ARHGAP10: variants seen among roughly 807,000 people sequenced by gnomAD.
ARHGAP10 encodes the protein Rho GTPase activating protein 10, also known as rho GTPase-activating protein 10.
ARHGAP10 carries 87 observed loss-of-function variants against 108.6 expected under a neutral mutation model. The observed-to-expected ratio is 0.80, with a 90% CI of 0.67 to 0.96. The LOEUF (loss-of-function observed/expected upper bound fraction) is 0.96, where lower values mean the gene tolerates loss of function less well. Among genes scored for constraint, ARHGAP10 ranks in the 40% least tolerant of loss-of-function variants. The pLI, the probability that ARHGAP10 is intolerant of heterozygous loss-of-function variation, is 0.00. For missense variants in ARHGAP10, 939 were observed against 954.5 expected, an observed-to-expected ratio of 0.98 and a Z score of 0.21; for synonymous variants, 347 against 341.1, an observed-to-expected ratio of 1.02 and a Z score of -0.19.
intron 6 of ARHGAP10, 197 bp from the exon 7 acceptor site, chr4:147,866,515 A>C: frequency 1.9e-6 from 1 of 516,968 alleles, no homozygotes; most frequent in Non-Finnish European, 3.4e-6. Context: ...TTAAGGGAAA[A>C]AAGCATCATT....
chr4:148,027,838 G>T (rs537071479), intron 19 of ARHGAP10, among the ~76,000 whole-genome samples: 1 of 152,278 alleles, frequency 6.6e-6, no homozygotes, highest in South Asian at 2.1e-4. Flanking sequence ...CCACTGTGCG[G>T]TCTTTTTAAA....
intron 18 of ARHGAP10, among the ~76,000 whole-genome samples, chr4:147,981,951 G>A (rs778243980): frequency 3.3e-5 from 5 of 149,278 alleles, no homozygotes; most frequent in East Asian, 1.9e-4. Context: ...GCCCAGGGGC[G>A]TGATCATATG....
chr4:148,031,961 A>G (rs555748453), intron 19 of ARHGAP10, among the ~76,000 whole-genome samples: 3 of 152,302 alleles, frequency 2.0e-5, no homozygotes, highest in East Asian at 3.9e-4. Context: ...ACATCTGGTC[A>G]TGGATTGGTT....
chr4:147,844,283 A>G (rs1357390057), intron 3 of ARHGAP10, among the ~76,000 whole-genome samples: 2 of 152,146 alleles, frequency 1.3e-5, no homozygotes, highest in African/African-American at 4.8e-5. Flanking sequence ...TATAATAGTC[A>G]CATCATGGAA....
intron 1 of ARHGAP10, among the ~76,000 whole-genome samples, chr4:147,762,471 A>G (rs1449115660): frequency 6.6e-6 from 1 of 151,716 alleles, no homozygotes; most frequent in Non-Finnish European, 1.5e-5. Flanking sequence ...TTGATTGGGT[A>G]GGTGAACTAG....
In ARHGAP10 at chr4:148,062,008, C is replaced by T. The variant is rs199792222; in HGVS notation, c.2028-1140C>T. Among the ~76,000 whole-genome samples, 46 of 152,066 alleles carry T rather than the reference C, an allele frequency of 3.0e-4. 1 individual carries two copies. In the East Asian group the frequency reaches 7.9e-3, roughly 26 times the overall value. On this transcript the variant is annotated intron_variant, in intron 20 of 22. Coordinates refer to ENST00000336498, the MANE Select transcript of ARHGAP10 (RefSeq NM_024605.4). ...AAGGAAGGGCAAGATTAGAGCAGGGCGGGGAGCTTGAGAGGAAAGGCAAAG... is the reference window on the plus strand; with the variant it reads ...AAGGAAGGGCAAGATTAGAGCAGGGTGGGGAGCTTGAGAGGAAAGGCAAAG...
chr4:148,046,692 C>T (rs1009461881), intron 19 of ARHGAP10, among the ~76,000 whole-genome samples, 200 bp from the exon 20 acceptor site: 5 of 151,972 alleles, frequency 3.3e-5, no homozygotes, highest in African/African-American at 4.8e-5. Context: ...AAACATTCCT[C>T]GCTGTGTATT....
chr4:147,806,592 TG>T (rs1043540822), intron 1 of ARHGAP10, among the ~76,000 whole-genome samples: 2 of 152,090 alleles, frequency 1.3e-5, no homozygotes, highest in African/African-American at 4.8e-5. Context: ...AAAGTATTGC[TG>T]TGGGAAAATG....
chr4:147,761,818 G>A (rs1729602623), intron 1 of ARHGAP10, among the ~76,000 whole-genome samples: 1 of 152,122 alleles, frequency 6.6e-6, no homozygotes. Flanking sequence ...TGATTTTAAA[G>A]ACGGCATTAC....
chr4:147,794,366 C>T (rs886294745), intron 1 of ARHGAP10, among the ~76,000 whole-genome samples: 4 of 152,182 alleles, frequency 2.6e-5, no homozygotes, highest in Admixed American at 2.0e-4. Context: ...TGTTAATTCT[C>T]ACAACATTCC....
At position 147,963,724 on chromosome 4, in the gene ARHGAP10, T is replaced by C. The variant is rs544170085; in HGVS notation, c.1451-1300T>C. Among the ~76,000 whole-genome samples the C allele has an allele frequency of 2.6e-5, 4 of 152,322 alleles. No homozygotes were observed. The East Asian group carries it at 7.7e-4, about 29-fold the overall frequency. ...AGTCTGGAGGTCTGAAATCAAGACG[T>C]TGGGAGGGCCGTGCTCCCTCTGAAG... On this transcript the variant is annotated intron_variant, in intron 16 of 22. Transcript: ENST00000336498.
intron 5 of ARHGAP10, among the ~76,000 whole-genome samples, chr4:147,859,135 C>T (rs1029401230): frequency 5.3e-5 from 8 of 152,194 alleles, no homozygotes; most frequent in Non-Finnish European, 1.2e-4. Flanking sequence ...GGTATGTTTT[C>T]AACAGGGATC....
intron 3 of ARHGAP10, among the ~76,000 whole-genome samples, chr4:147,837,643 G>GTTTTTTTTTTTTTTTTTTTTTTTTTTTT (rs59933316): frequency 1.0e-4 from 7 of 70,236 alleles, no homozygotes; most frequent in Non-Finnish European, 1.8e-4. Context: ...TCTGGTCACT[G>GTTTTTTTTTTTTTTTTTTTTTTTTTTTT]TTTTTTTTTT....
intron 1 of ARHGAP10, chr4:147,782,720 A>G (rs1275374106): frequency 6.6e-6 from 1 of 152,286 alleles, no homozygotes; most frequent in Non-Finnish European, 1.5e-5. Context: ...GGGTCAGACC[A>G]GTTTGCAAAC....
chr4:147,811,416 C>T (rs1732012831), intron 1 of ARHGAP10, among the ~76,000 whole-genome samples: 1 of 117,676 alleles, frequency 8.5e-6, no homozygotes, highest in Non-Finnish European at 1.9e-5. Flanking sequence ...TGTGTAGATC[C>T]TCAAGTAACA....
At chr4:148,070,423 G>A (rs911026661) in intron 22 of ARHGAP10, among the ~76,000 whole-genome samples, 10 of 152,146 alleles carry the variant, frequency 6.6e-5, no homozygotes, top group Non-Finnish European at 7.4e-5. Flanking sequence ...GCAGACAGCC[G>A]GAATGTGTTC....
At chr4:148,052,110 A>C (rs759893855) in intron 20 of ARHGAP10, among the ~76,000 whole-genome samples, 15 of 152,178 alleles carry the variant, frequency 9.9e-5, no homozygotes, top group Non-Finnish European at 2.2e-4. Context: ...TCAGAAAAAT[A>C]ATCATTTTAG....
intron 18 of ARHGAP10, among the ~76,000 whole-genome samples, chr4:147,988,365 C>T (rs993435835): frequency 6.6e-6 from 1 of 152,186 alleles, no homozygotes; most frequent in African/African-American, 2.4e-5. Flanking sequence ...ATCATGTTTT[C>T]TGAGATCTTA....
intron 18 of ARHGAP10, among the ~76,000 whole-genome samples, chr4:147,990,059 C>G (rs1041119127): frequency 6.6e-6 from 1 of 152,186 alleles, no homozygotes; most frequent in Admixed American, 6.5e-5. Flanking sequence ...CCGCAACACT[C>G]CTGATATTCA....
Sources: allele counts gnomAD v4.1 joint callset (sites outside exome capture counted in the v4.1 genomes callset), GRCh38; gene constraint gnomAD v4.1.1; transcripts MANE v1.5; gene names NCBI Gene and HGNC (gene_info 2026-07-23, HGNC 2026-07-21).